SMG6: variants seen among roughly 807,000 people sequenced by gnomAD.
The protein encoded by SMG6 is SMG6 nonsense mediated mRNA decay factor.
SMG6 carries 66 observed loss-of-function variants against 142.2 expected under a neutral mutation model. That is an observed-to-expected ratio of 0.46 (90% CI 0.38 to 0.57). SMG6 has a LOEUF of 0.57. SMG6 is among the 20% of genes least tolerant of loss of function. The pLI is 0.00. For missense variants in SMG6, 1,793 were observed against 1,832.0 expected, an observed-to-expected ratio of 0.98 and a Z score of 0.39; for synonymous variants, 779 against 702.4, an observed-to-expected ratio of 1.11 and a Z score of -1.72.
At position 2,188,523 on chromosome 17, in the gene SMG6, C is replaced by G. The variant is rs548432613; in HGVS notation, c.2870-8G>C. The G allele has an allele frequency of 5.3e-5, 85 of 1,612,334 alleles. No homozygotes were observed. The highest frequency in any genetic ancestry group is 3.7e-4 in the South Asian group (34 of 91,040). ...ACTCCTCCGAGAAGCAGTCTGCGGACAGGCAAATGAAACTCTCAGCGCCCC... is the reference window on the plus strand; with the variant it reads ...ACTCCTCCGAGAAGCAGTCTGCGGAGAGGCAAATGAAACTCTCAGCGCCCC... On this transcript the variant is annotated splice_polypyrimidine_tract_variant and splice_region_variant and intron_variant, in intron 10 of 18. Transcript: ENST00000263073.
chr17:2,086,036 G>A, intron 13 of SMG6, 135 bp from the exon 14 acceptor site: 1 of 869,230 alleles, frequency 1.2e-6, no homozygotes, highest in Non-Finnish European at 1.9e-6. Flanking sequence ...ATGAATGACG[G>A]GGTGCGGAGG....
At position 2,300,379 on chromosome 17, in the gene SMG6, G is replaced by A. The variant is rs1249940424; in HGVS notation, c.374C>T (p.Ala125Val). Reference protein sequence around the residue: ...NRGQESFPRTAGQEDRSLKII... With the variant: ...NRGQESFPRTVGQEDRSLKII... ...TTTTAGACTACGATCCTCTTGTCCAGCAGTCCTAGGAAAGGATTCTTGTCC... is the reference window on the plus strand; with the variant it reads ...TTTTAGACTACGATCCTCTTGTCCAACAGTCCTAGGAAAGGATTCTTGTCC... Residue 125 changes from alanine (A) to valine (V), a missense_variant, in exon 2 of 19, where the codon GCT (alanine) becomes GTT (valine). Coordinates refer to ENST00000263073, the MANE Select transcript of SMG6 (RefSeq NM_017575.5). The A allele has an allele frequency of 1.2e-6, 2 of 1,613,948 alleles. No homozygotes were observed. Among genetic ancestry groups the A allele is most frequent in the Non-Finnish European group, 1.7e-6 (2 of 1,180,030 alleles).
chr17:2,231,173 C>T (rs567895359), intron 10 of SMG6, among the ~76,000 whole-genome samples: 5 of 152,246 alleles, frequency 3.3e-5, no homozygotes, highest in African/African-American at 1.2e-4. Flanking sequence ...CTTTTCTGAA[C>T]GTCTCTGAGA....
At chr17:2,135,996 A>ATGTGTGTGTG (rs545225787) in intron 13 of SMG6, among the ~76,000 whole-genome samples, 251 of 141,200 alleles carry the variant, frequency 1.8e-3, no homozygotes, top group Non-Finnish European at 2.5e-3. Flanking sequence ...ATATATATTT[A>ATGTGTGTGTG]TGTGTGTGTG....
intron 13 of SMG6, among the ~76,000 whole-genome samples, chr17:2,089,186 A>C (rs757372046): frequency 6.6e-6 from 1 of 152,160 alleles, no homozygotes; most frequent in Non-Finnish European, 1.5e-5. Flanking sequence ...TTTCCACTCT[A>C]TATCAATGAA....
intron 8 of SMG6, among the ~76,000 whole-genome samples, chr17:2,258,008 CAAAAAAA>C (rs869066817): frequency 8.3e-4 from 22 of 26,652 alleles, no homozygotes; most frequent in Middle Eastern, 0.018. Flanking sequence ...GACTCTGTCG[CAAAAAAA>C]AAAAAAAAAA....
At chr17:2,253,643 T>C (rs976620287) in intron 8 of SMG6, among the ~76,000 whole-genome samples, 5 of 152,142 alleles carry the variant, frequency 3.3e-5, no homozygotes, top group Admixed American at 6.5e-5. Context: ...TATTCTGATA[T>C]CCACCCACTT....
rs1350867226 is a variant in SMG6 at position 2,297,937 on chromosome 17, T to C, written c.1966A>G (p.Arg656Gly). ...NAFYQVIEKF[R>G]QLVKDPNVEN... ...ACATTCGGATCCTTGACAAGTTGCC[T>C]GAACTTCTCAATCACCTGATAGAAA... is the stretch of plus-strand genomic sequence containing the variant. Residue 656 changes from arginine to glycine, a missense_variant, in exon 3 of 19, where the codon AGG (arginine) becomes GGG (glycine). This residue lies in a region of SMG6 where 1,597 missense variants were observed against 1,584.6 expected (regional missense o/e 1.01). Transcript: ENST00000263073. 1.1e-5 allele frequency: 18 copies of C among 1,613,340 alleles called. No homozygotes were observed. The highest frequency in any genetic ancestry group is 1.5e-5 in the Non-Finnish European group (18 of 1,180,038).
chr17:2,088,972 T>C (rs2068641202), intron 13 of SMG6, among the ~76,000 whole-genome samples: 2 of 152,158 alleles, frequency 1.3e-5, no homozygotes, highest in Non-Finnish European at 2.9e-5. Context: ...CAAGACAGTT[T>C]AAATACAGTT....
intron 13 of SMG6, among the ~76,000 whole-genome samples, chr17:2,142,946 T>C (rs1304375774): frequency 9.4e-6 from 1 of 106,472 alleles, no homozygotes; most frequent in African/African-American, 3.5e-5. Flanking sequence ...TCCAAAGAAA[T>C]ACCAACAGCC....
chr17:2,223,927 AAAAAG>A (rs941163578), intron 10 of SMG6, among the ~76,000 whole-genome samples: 82 of 152,298 alleles, frequency 5.4e-4, no homozygotes, highest in South Asian at 5.4e-3. Context: ...CAGAGCAAAA[AAAAAG>A]AAAAGAAAAG....
chr17:2,093,006 C>T (rs2151454522), intron 13 of SMG6, among the ~76,000 whole-genome samples: 1 of 152,210 alleles, frequency 6.6e-6, no homozygotes, highest in Non-Finnish European at 1.5e-5. Flanking sequence ...ATCAGCCCGG[C>T]CAACATGGTG....
chr17:2,289,957 T>TATATAC (rs1287067422), intron 6 of SMG6, among the ~76,000 whole-genome samples: 2 of 147,912 alleles, frequency 1.4e-5, no homozygotes, highest in African/African-American at 4.9e-5. Context: ...TATATATATA[T>TATATAC]ATATATATGT....
chr17:2,115,820 T>A (rs2069487607), intron 13 of SMG6, among the ~76,000 whole-genome samples: 1 of 151,852 alleles, frequency 6.6e-6, no homozygotes, highest in African/African-American at 2.4e-5. Context: ...AACTCCCGGG[T>A]CCAAGCAATC....
rs2075214588 is a variant in SMG6, at chr17:2,299,222, G to T, written c.1531C>A (p.Pro511Thr). 4.3e-6 allele frequency: 7 copies of T among 1,613,756 alleles called. No homozygotes were observed. The highest frequency in any genetic ancestry group is 1.1e-5 in the South Asian group (1 of 91,072). The change falls in exon 2 of 19, where the codon CCC (proline) becomes ACC (threonine). Residue 511 changes from proline to threonine, a missense_variant. Around this residue, in one of 3 missense-constraint regions of SMG6, gnomAD observed 1,597 missense variants for 1,584.6 expected, o/e 1.01. Coordinates refer to ENST00000263073, the MANE Select transcript of SMG6 (RefSeq NM_017575.5). This position sits in a 1 kb window ranked among gnomAD's most constrained non-coding sequence, Gnocchi z 4.3. ...FQNSDNPYYY[P>T]RTPGPASQYP... ...TGGGAGGCAGGGCCTGGTGTCCGGG[G>T]GTAATAATAGGGGTTGTCAGAGTTT...
At chr17:2,063,050 A>T (rs1468685354) in intron 18 of SMG6, 1 of 152,316 alleles carries the variant, frequency 6.6e-6, no homozygotes, top group Non-Finnish European at 1.5e-5. Flanking sequence ...GGGTGGTGGT[A>T]TGCAGGGCTG....
At position 2,068,919 on chromosome 17, in the gene SMG6, C is replaced by G. The variant is rs1456488186; in HGVS notation, c.3694G>C (p.Asp1232His). 2 of 1,614,162 alleles carry G rather than the reference C, an allele frequency of 1.2e-6. No individual in the cohort carries two copies. Among genetic ancestry groups the G allele is most frequent in the Non-Finnish European group, 1.7e-6 (2 of 1,180,000 alleles). Reference sequence around the variant, plus strand: ...TCCATCTGCCTCATCTGACTGTGGTCCTCCAGGACAGCCTATGGGGACAGA... The same window carrying G: ...TCCATCTGCCTCATCTGACTGTGGTGCTCCAGGACAGCCTATGGGGACAGA... The part of the protein sequence containing the change: ...RQEKIQAVLE[D>H]HSQMRQMELE... Residue 1232 changes from aspartate to histidine, a missense_variant, in exon 16 of 19, where the codon GAC (aspartate) becomes CAC (histidine). Physicochemically the swap from Asp to His is moderately conservative, Grantham distance 81 (BLOSUM62 -1). Transcript: ENST00000263073. The surrounding 1 kb of genome is among the most constrained non-coding windows in gnomAD (Gnocchi z 6.7).
In SMG6 at chr17:2,085,688, C is replaced by G; in HGVS notation, c.3534+37G>C. ...GCCACGAGCAGAATGGGGAGGGGGC[C>G]TTCCCTCTGCCACAGCGGGCTCTTC... On this transcript the variant is annotated intron_variant, in intron 14 of 18. Coordinates refer to ENST00000263073, the MANE Select transcript of SMG6 (RefSeq NM_017575.5). This position sits in a 1 kb window ranked among gnomAD's most constrained non-coding sequence, Gnocchi z 4.1. 6.3e-7 allele frequency: 1 copy of G among 1,586,118 alleles called. No individual in the cohort carries two copies. Among genetic ancestry groups the G allele is most frequent in the Non-Finnish European group, 8.6e-7 (1 of 1,165,750 alleles).
chr17:2,147,916 G>C (rs1293137706), intron 13 of SMG6, among the ~76,000 whole-genome samples: 2 of 152,100 alleles, frequency 1.3e-5, no homozygotes, highest in Admixed American at 6.6e-5. Flanking sequence ...CAGATGACCG[G>C]GCACGGTGCC....
Sources: gnomAD v4.1 joint callset for allele counts (sites outside exome capture counted in the v4.1 genomes callset) on GRCh38, gnomAD v4.1.1 for gene constraint, gnomAD v4.1.1 regional missense constraint, Gnocchi (gnomAD v3.1) non-coding constraint, MANE v1.5 for transcripts, NCBI Gene and HGNC (gene_info 2026-07-23, HGNC 2026-07-21) for gene names.